The following SRGAP3 variants were observed in gnomAD, a reference collection of about 807,000 sequenced individuals.
SRGAP3 encodes SLIT-ROBO Rho GTPase activating protein 3.
A neutral mutation model predicts 121.1 loss-of-function variants in SRGAP3; 39 were observed. The ratio of observed to expected loss-of-function variants is 0.32; its 90% CI spans 0.25 to 0.42. SRGAP3 has a LOEUF of 0.42. Among genes scored for constraint, SRGAP3 ranks in the 10% least tolerant of loss-of-function variants. SRGAP3 has a pLI of 1.00. For missense variants in SRGAP3, 1,213 were observed against 1,470.6 expected, an observed-to-expected ratio of 0.82 and a Z score of 2.86; for synonymous variants, 601 against 570.0, an observed-to-expected ratio of 1.05 and a Z score of -0.77.
rs1946088572 is a variant in SRGAP3 at position 9,060,372 on chromosome 3, A to G, written c.673-13T>C. On this transcript the variant is annotated splice_polypyrimidine_tract_variant and intron_variant, in intron 5 of 21. Transcript: ENST00000383836. ...ACTTGGCCTGCCTCTGGAAGAAGAAAAGAGTAGATGTAAGAGCAAGCCATT... is the reference window on the plus strand; with the variant it reads ...ACTTGGCCTGCCTCTGGAAGAAGAAGAGAGTAGATGTAAGAGCAAGCCATT... 6.2e-7 allele frequency: 1 copy of G among 1,612,920 alleles called. No individual in the cohort carries two copies. Among genetic ancestry groups the G allele is most frequent in the Non-Finnish European group, 8.5e-7 (1 of 1,179,512 alleles).
chr3:8,999,191 T>C (rs1251560895), intron 18 of SRGAP3, among the ~76,000 whole-genome samples: 1 of 152,124 alleles, frequency 6.6e-6, no homozygotes, highest in Non-Finnish European at 1.5e-5. Flanking sequence ...ACTGTCTCAG[T>C]AGGGGCCTGG....
chr3:9,088,869 C>T (rs1304130083), intron 3 of SRGAP3, among the ~76,000 whole-genome samples: 1 of 152,136 alleles, frequency 6.6e-6, no homozygotes, highest in Non-Finnish European at 1.5e-5. Context: ...CCCTTCGGTA[C>T]GGGCTTGTGC....
intron 18 of SRGAP3, 60 bp from the exon 19 acceptor site, chr3:8,994,583 C>T: frequency 1.3e-6 from 2 of 1,596,680 alleles, no homozygotes; most frequent in Non-Finnish European, 1.7e-6. Context: ...GCTCAGGAGC[C>T]TCACTCAGAT....
chr3:9,244,716 G>C (rs1953762403), intron 1 of SRGAP3, among the ~76,000 whole-genome samples: 1 of 152,198 alleles, frequency 6.6e-6, no homozygotes, highest in Non-Finnish European at 1.5e-5. Context: ...TGGTTTGCCA[G>C]TTCCAGACTA....
rs780682031 is a variant in SRGAP3, at chr3:9,025,320, A to G, written c.1619T>C (p.Ile540Thr). The G allele has an allele frequency of 6.2e-7, 1 of 1,614,166 alleles. No individual in the cohort carries two copies. Residue 540 changes from isoleucine to threonine, a missense_variant, in exon 14 of 22, where the codon ATC (isoleucine) becomes ACC (threonine). Physicochemically the swap from Ile to Thr is moderately conservative, Grantham distance 89. Around this residue, in one of 2 missense-constraint regions of SRGAP3, gnomAD observed 793 missense variants for 1,032.9 expected, o/e 0.77. Transcript: ENST00000383836. ...INLYGLQQQG[I>T]FRVPGSQVEV... is the part of the protein sequence containing the mutation. ...CACCTGAGATCCTGGCACTCTGAAGATCCCCTGCTGCTGGAGTCCTAAAAA... is the reference window on the plus strand; with the variant it reads ...CACCTGAGATCCTGGCACTCTGAAGGTCCCCTGCTGCTGGAGTCCTAAAAA...
chr3:8,992,807 C>T, intron 20 of SRGAP3, 99 bp downstream of exon 20: 2 of 1,601,412 alleles, frequency 1.2e-6, no homozygotes, highest in East Asian at 2.2e-5. Flanking sequence ...CAAGGGGCTG[C>T]AGTAGGCTCC....
At chr3:9,226,957 T>C (rs1953007196) in intron 1 of SRGAP3, among the ~76,000 whole-genome samples, 1 of 152,124 alleles carries the variant, frequency 6.6e-6, no homozygotes, top group Admixed American at 6.5e-5. Context: ...TTATGGAGGA[T>C]TGGCTCAAGG....
intron 3 of SRGAP3, among the ~76,000 whole-genome samples, chr3:9,325,745 C>T (rs946136696): frequency 2.0e-5 from 3 of 151,896 alleles, no homozygotes; most frequent in Non-Finnish European, 4.4e-5. Flanking sequence ...CTACATTGGG[C>T]CTTCATCTTT....
At chr3:9,283,197 CT>C (rs1426815327) in intron 3 of SRGAP3, among the ~76,000 whole-genome samples, 2 of 152,146 alleles carry the variant, frequency 1.3e-5, no homozygotes, top group Non-Finnish European at 2.9e-5. Flanking sequence ...CCCCCTCGGC[CT>C]CCCAAAGTGC....
At chr3:9,032,919 G>GA (rs1352247500) in intron 11 of SRGAP3, among the ~76,000 whole-genome samples, 167 bp from the exon 12 acceptor site, 1 of 152,062 alleles carries the variant, frequency 6.6e-6, no homozygotes, top group East Asian at 1.9e-4. Flanking sequence ...AAGGCCTTTG[G>GA]ATGTTTTAGG....
chr3:9,125,421 A>C (rs1248827807), intron 1 of SRGAP3, among the ~76,000 whole-genome samples: 6 of 152,224 alleles, frequency 3.9e-5, no homozygotes, highest in African/African-American at 1.2e-4. Flanking sequence ...GCTCTTTATC[A>C]ACCAAAGGAA....
intron 1 of SRGAP3, among the ~76,000 whole-genome samples, chr3:9,201,131 G>A (rs1952056274): frequency 6.6e-6 from 1 of 152,106 alleles, no homozygotes. Flanking sequence ...GCTTAATATT[G>A]GTTTTCTAAT....
chr3:9,312,315 C>T (rs1574994657), intron 3 of SRGAP3, among the ~76,000 whole-genome samples: 4 of 152,172 alleles, frequency 2.6e-5, no homozygotes, highest in East Asian at 1.9e-4. Flanking sequence ...CCACCACGCC[C>T]GGCTAATTTT....
intron 1 of SRGAP3, among the ~76,000 whole-genome samples, chr3:9,230,124 G>T (rs143427683): frequency 3.3e-5 from 5 of 152,304 alleles, no homozygotes; most frequent in African/African-American, 1.2e-4. Context: ...AATCGGTGAC[G>T]CTGACTGAGT....
intron 7 of SRGAP3, among the ~76,000 whole-genome samples, chr3:9,057,567 C>G (rs1368234810): frequency 6.6e-6 from 1 of 152,162 alleles, no homozygotes; most frequent in Non-Finnish European, 1.5e-5. Flanking sequence ...GCAGGTGCCA[C>G]GGGTGGCCCA....
intron 1 of SRGAP3, among the ~76,000 whole-genome samples, chr3:9,204,138 G>A (rs1145159): frequency 0.57 from 87,149 of 152,104 alleles, 25,594 homozygotes; most frequent in African/African-American, 0.69. Context: ...ATCAAACACC[G>A]GGAACCCATC....
intron 3 of SRGAP3, among the ~76,000 whole-genome samples, chr3:9,304,148 C>T (rs1307372929): frequency 6.6e-6 from 1 of 152,208 alleles, no homozygotes; most frequent in Non-Finnish European, 1.5e-5. Flanking sequence ...ACAACAGTAA[C>T]TTCCCCTTCA....
At chr3:9,124,078 G>C (rs543725409) in intron 2 of SRGAP3, among the ~76,000 whole-genome samples, 1 of 152,270 alleles carries the variant, frequency 6.6e-6, no homozygotes, top group African/African-American at 2.4e-5. Flanking sequence ...AAGCACAGAA[G>C]GTTTTGTAGC....
At chr3:9,118,190 C>T (rs1026269198) in intron 2 of SRGAP3, among the ~76,000 whole-genome samples, 7 of 152,098 alleles carry the variant, frequency 4.6e-5, no homozygotes, top group Admixed American at 1.3e-4. Context: ...GGTCAAATAG[C>T]TTTCAGAAAG....
Sources: allele counts gnomAD v4.1 joint callset (sites outside exome capture counted in the v4.1 genomes callset), GRCh38; gene constraint gnomAD v4.1.1; regional missense constraint gnomAD v4.1.1; transcripts MANE v1.5; gene names NCBI Gene and HGNC (gene_info 2026-07-23, HGNC 2026-07-21).